GABRG2: variants seen among roughly 807,000 people sequenced by gnomAD.
GABRG2 encodes gamma-aminobutyric acid receptor subunit gamma-2.
Under a neutral mutation model 56.4 loss-of-function variants are expected in GABRG2, and 16 were observed. That is an observed-to-expected ratio of 0.28 (90% CI 0.19 to 0.43). The LOEUF (loss-of-function observed/expected upper bound fraction) is 0.43, where lower values mean the gene tolerates loss of function less well. GABRG2 is among the 20% of genes least tolerant of loss of function. The probability of loss-of-function intolerance (pLI) is 1.00; values close to 1 mark genes in which losing one functional copy is unlikely to be tolerated. For missense variants in GABRG2, 327 were observed against 582.7 expected, an observed-to-expected ratio of 0.56 and a Z score of 4.52; for synonymous variants, 208 against 205.5, an observed-to-expected ratio of 1.01 and a Z score of -0.10.
At chr5:162,134,475 CTT>C (rs1303525739) in intron 6 of GABRG2, among the ~76,000 whole-genome samples, 1 of 152,102 alleles carries the variant, frequency 6.6e-6, no homozygotes, top group Admixed American at 6.6e-5. Flanking sequence ...TATATTAACT[CTT>C]TTTATGTTCA....
At chr5:162,137,130 G>A (rs536059825) in intron 6 of GABRG2, among the ~76,000 whole-genome samples, 1 of 152,204 alleles carries the variant, frequency 6.6e-6, no homozygotes, top group South Asian at 2.1e-4. Flanking sequence ...CCACAAAAAT[G>A]TTCTGGATCC....
intron 6 of GABRG2, among the ~76,000 whole-genome samples, chr5:162,128,623 T>A (rs1369331033): frequency 6.6e-6 from 1 of 151,964 alleles, no homozygotes; most frequent in Admixed American, 6.6e-5. Flanking sequence ...CCCTCTTCTA[T>A]CATATGGTTA....
chr5:162,132,956 T>C (rs188302876), intron 6 of GABRG2, among the ~76,000 whole-genome samples: 10 of 152,136 alleles, frequency 6.6e-5, no homozygotes, highest in African/African-American at 2.2e-4. Context: ...TCCTCAGAAA[T>C]TGAGTTGAAC....
At chr5:162,131,679 T>C (rs193175895) in intron 6 of GABRG2, among the ~76,000 whole-genome samples, 83 of 152,144 alleles carry the variant, frequency 5.5e-4, no homozygotes, top group African/African-American at 1.5e-3. Flanking sequence ...TAAATATTTA[T>C]AAAGACTTTT....
chr5:162,108,299 C>T (rs1761982057), intron 6 of GABRG2, among the ~76,000 whole-genome samples: 1 of 152,142 alleles, frequency 6.6e-6, no homozygotes, highest in Non-Finnish European at 1.5e-5. Context: ...TTCAATTGAG[C>T]ACAAGCTATT....
Position 162,145,036 on chromosome 5 carries a change from AGTCCC to A in GABRG2, c.922+2721_922+2725del, listed in dbSNP as rs570916170. ...TAGAACCCTGCTCTAGACTTCATTG[AGTCCC>A]ATTACTTTTCTCAATGTTTACAATC... is the stretch of plus-strand genomic sequence containing the variant. On this transcript the variant is annotated intron_variant, in intron 7 of 9. Transcript: ENST00000639213. 8.5e-4 allele frequency among the ~76,000 whole-genome samples: 129 copies of A among 152,322 alleles called. 1 individual carries two copies. The highest frequency in any genetic ancestry group is 3.0e-3 in the African/African-American group (123 of 41,568).
At chr5:162,091,421 C>T (rs576662122) in intron 1 of GABRG2, among the ~76,000 whole-genome samples, 15 of 152,108 alleles carry the variant, frequency 9.9e-5, no homozygotes, top group Non-Finnish European at 2.1e-4. Context: ...ATTGTCTTAA[C>T]CTTACACGGG....
intron 6 of GABRG2, among the ~76,000 whole-genome samples, chr5:162,105,725 C>G (rs1053873574): frequency 2.0e-5 from 3 of 151,782 alleles, no homozygotes; most frequent in Admixed American, 2.0e-4. Flanking sequence ...CCACCGCGCC[C>G]GGCCTAGAAC....
chr5:162,129,943 C>T (rs570580514), intron 6 of GABRG2, among the ~76,000 whole-genome samples: 2 of 151,700 alleles, frequency 1.3e-5, no homozygotes, highest in Non-Finnish European at 2.9e-5. Context: ...GAGAAGAGAT[C>T]GGATTCACCC....
At chr5:162,125,200 A>G (rs1763247691) in intron 6 of GABRG2, among the ~76,000 whole-genome samples, 1 of 151,488 alleles carries the variant, frequency 6.6e-6, no homozygotes, top group Admixed American at 6.6e-5. Context: ...TCTATTGCCT[A>G]TTTTTTTCTC....
intron 6 of GABRG2, among the ~76,000 whole-genome samples, chr5:162,114,831 G>T (rs1325891438): frequency 6.6e-6 from 1 of 152,136 alleles, no homozygotes; most frequent in Non-Finnish European, 1.5e-5. Flanking sequence ...AAATAAAATT[G>T]CAAAGTTCTA....
Position 162,093,837 on chromosome 5 carries a change from C to A in GABRG2, c.117C>A (p.Ser39Arg). ...ATATGTTTTTTCTTAGCTTCACTAGCCAGAAATCTGATGATGACTATGAAG... is the reference window on the plus strand; with the variant it reads ...ATATGTTTTTTCTTAGCTTCACTAGACAGAAATCTGATGATGACTATGAAG... ...LLLSLYPGFT[S>R]QKSDDDYEDY... is the part of the protein sequence containing the mutation. The change falls in exon 2 of 10, where the codon AGC (serine) becomes AGA (arginine). Residue 39 changes from serine (S) to arginine (R), a missense_variant. By Grantham distance (110) the Ser-to-Arg change is moderately radical. Transcript: ENST00000639213. The A allele has an allele frequency of 6.2e-7, 1 of 1,612,866 alleles. No homozygotes were observed. The highest frequency in any genetic ancestry group is 1.3e-5 in the African/African-American group (1 of 74,946).
chr5:162,129,332 T>C (rs941524518), intron 6 of GABRG2: 45 of 152,120 alleles, frequency 3.0e-4, no homozygotes, highest in African/African-American at 1.1e-3. Context: ...TTTTTCTCCT[T>C]GTTCAGAACA....
intron 6 of GABRG2, chr5:162,129,382 G>T (rs1330204192): frequency 6.6e-6 from 1 of 151,330 alleles, no homozygotes; most frequent in African/African-American, 2.4e-5. Context: ...TTCTTAACGT[G>T]AAAAAGATTA....
rs948952518 is a variant in GABRG2 at position 162,127,829 on chromosome 5, A to G, written c.770-14335A>G. Among the ~76,000 whole-genome samples the G allele has an allele frequency of 2.0e-5, 3 of 152,052 alleles. No individual in the cohort carries two copies. In the East Asian group the frequency reaches 5.8e-4, roughly 29 times the overall value. On this transcript the variant is annotated intron_variant, in intron 6 of 9. Transcript: ENST00000639213. The stretch of plus-strand genomic sequence containing the variant: ...TAGACGTGAGGAAACTGACGATCGA[A>G]GGATTTCAGTAACTTAAAGTCATAC...
chr5:162,153,585 G>T lies in GABRG2; in HGVS notation c.*217G>T. On this transcript the variant is annotated 3_prime_UTR_variant, in exon 10 of 10. Transcript: ENST00000639213. The stretch of plus-strand genomic sequence containing the variant: ...TCGATGTTTGCTGTGTTTCAAACCT[G>T]CAAGGCAAAGTAAAATTAGAGCAAG... The T allele has an allele frequency of 1.6e-6, 1 of 611,016 alleles. No individual in the cohort carries two copies. The highest frequency in any genetic ancestry group is 2.9e-6 in the Non-Finnish European group (1 of 346,342). The allele number at this position is 611,016 out of a possible 1,614,324, so 37.8% of individuals were successfully genotyped here.
intron 1 of GABRG2, among the ~76,000 whole-genome samples, chr5:162,090,776 C>T (rs1183986930): frequency 1.3e-5 from 2 of 152,002 alleles, no homozygotes; most frequent in Non-Finnish European, 2.9e-5. Flanking sequence ...AGATAGGTAC[C>T]TTTAGCCAGA....
chr5:162,147,108 G>T (rs1765005942), intron 7 of GABRG2, among the ~76,000 whole-genome samples: 1 of 152,060 alleles, frequency 6.6e-6, no homozygotes, highest in Non-Finnish European at 1.5e-5. Flanking sequence ...GAGAATAAGA[G>T]CTTTACATCT....
intron 1 of GABRG2, among the ~76,000 whole-genome samples, chr5:162,081,397 T>A (rs940690326): frequency 6.6e-6 from 1 of 152,050 alleles, no homozygotes; most frequent in Non-Finnish European, 1.5e-5. Flanking sequence ...TTTTAACACA[T>A]ATATTTGTTC....
Sources: gnomAD v4.1 joint callset for allele counts (sites outside exome capture counted in the v4.1 genomes callset) on GRCh38, gnomAD v4.1.1 for gene constraint, MANE v1.5 for transcripts, NCBI Gene and HGNC (gene_info 2026-07-23, HGNC 2026-07-21) for gene names.